Variants in HEPHL1 observed in about 807,000 individuals in gnomAD.
HEPHL1 encodes the protein hephaestin like 1.
In HEPHL1, 123 loss-of-function variants were observed where a neutral mutation model predicts 122.0. The ratio of observed to expected loss-of-function variants is 1.01; its 90% CI spans 0.87 to 1.17. The LOEUF is 1.17. HEPHL1 is among the 50% of genes most tolerant of loss of function. HEPHL1 has a pLI of 0.00. For missense variants in HEPHL1, 1,452 were observed against 1,430.5 expected (o/e 1.01, Z -0.24); for synonymous variants, 527 against 508.9 (o/e 1.04, Z -0.48).
chr11:94,045,382 G>C (rs1945825039), intron 1 of HEPHL1, among the ~76,000 whole-genome samples: 1 of 152,240 alleles, frequency 6.6e-6, no homozygotes, highest in Non-Finnish European at 1.5e-5. Context: ...AAAGCAAAGG[G>C]GAACATGTTG....
rs1362163060 is a variant in HEPHL1, at chr11:94,104,628, T to C, written c.2783T>C (p.Leu928Ser). ...GACGTTGATTATGAATTTGCTCTCT[T>C]GTTTTTGGTATTTAATGAGAATGAA... ...RSDVDYEFAL[L>S]FLVFNENESW... is the part of the protein sequence containing the mutation. Residue 928 changes from leucine (L) to serine (S), a missense_variant, in exon 16 of 20, where the codon TTG becomes TCG. By Grantham distance (145) the Leu-to-Ser change is moderately radical (BLOSUM62 -2). Coordinates refer to ENST00000315765, the MANE Select transcript of HEPHL1 (RefSeq NM_001098672.2). The C allele has an allele frequency of 6.2e-7, 1 of 1,613,722 alleles. No homozygotes were observed. Among genetic ancestry groups the C allele is most frequent in the Non-Finnish European group, 8.5e-7 (1 of 1,179,756 alleles).
chr11:94,097,258 CT>C (rs372425128), intron 13 of HEPHL1, among the ~76,000 whole-genome samples: 740 of 152,192 alleles, frequency 4.9e-3, no homozygotes, highest in Non-Finnish European at 8.0e-3. Context: ...CGATTTCTGC[CT>C]TCATTTTGTT....
chr11:94,067,879 T>G, intron 5 of HEPHL1, 129 bp downstream of exon 5: 2 of 734,268 alleles, frequency 2.7e-6, no homozygotes, highest in Non-Finnish European at 4.4e-6. Flanking sequence ...AGGTAATAAA[T>G]ATACAGGAAA....
At chr11:94,108,663 C>T (rs1284023749) in intron 17 of HEPHL1, among the ~76,000 whole-genome samples, 2 of 151,782 alleles carry the variant, frequency 1.3e-5, no homozygotes, top group South Asian at 2.1e-4. Context: ...ATCTTTTTTT[C>T]CCACAGAATT....
intron 6 of HEPHL1, among the ~76,000 whole-genome samples, chr11:94,071,285 TTCTC>T (rs1357685967): frequency 2.0e-5 from 3 of 152,150 alleles, no homozygotes; most frequent in East Asian, 3.9e-4. Flanking sequence ...GTTTTAAAAA[TTCTC>T]TTTGTGATCA....
chr11:94,101,743 C>T (rs1946369075), intron 14 of HEPHL1, among the ~76,000 whole-genome samples: 1 of 152,194 alleles, frequency 6.6e-6, no homozygotes, highest in African/African-American at 2.4e-5. Flanking sequence ...TAAAAATTCT[C>T]CGTGCTCTGG....
At chr11:94,046,091 CTTTTTTT>C (rs755367459) in intron 2 of HEPHL1, among the ~76,000 whole-genome samples, 174 bp downstream of exon 2, 1,366 of 65,092 alleles carry the variant, frequency 0.021, 61 homozygotes, top group East Asian at 0.044. Context: ...CCCTTTCTTG[CTTTTTTT>C]TTTTTTTTTT....
intron 2 of HEPHL1, among the ~76,000 whole-genome samples, chr11:94,049,585 G>C (rs1276117061): frequency 8.7e-5 from 11 of 126,640 alleles, no homozygotes; most frequent in Non-Finnish European, 1.5e-4. Flanking sequence ...TCTGGGTCCT[G>C]AGAATAAAAG....
intron 1 of HEPHL1, among the ~76,000 whole-genome samples, chr11:94,027,655 G>A (rs1474187186): frequency 6.6e-6 from 1 of 152,190 alleles, no homozygotes; most frequent in Non-Finnish European, 1.5e-5. Context: ...GGTTCAGAGA[G>A]GTTAAGTCTC....
intron 1 of HEPHL1, among the ~76,000 whole-genome samples, chr11:94,036,329 G>T (rs1489465468): frequency 6.6e-6 from 1 of 152,158 alleles, no homozygotes; most frequent in Non-Finnish European, 1.5e-5. Flanking sequence ...TGGGGCTTGG[G>T]ACTAGACAAG....
At chr11:94,065,416 G>C (rs1946025299) in intron 4 of HEPHL1, among the ~76,000 whole-genome samples, 1 of 152,232 alleles carries the variant, frequency 6.6e-6, no homozygotes, top group Non-Finnish European at 1.5e-5. Context: ...ATTAATGCCA[G>C]AGAGTTTCCT....
intron 2 of HEPHL1, among the ~76,000 whole-genome samples, chr11:94,059,781 C>G (rs983327): frequency 0.94 from 142,606 of 151,944 alleles, 67,608 homozygotes; most frequent in East Asian, 1. Context: ...AGGGGATTCT[C>G]TCTCCTCATT....
At chr11:94,092,187 C>A (rs1470607355) in intron 12 of HEPHL1, among the ~76,000 whole-genome samples, 17 of 152,140 alleles carry the variant, frequency 1.1e-4, no homozygotes, top group Admixed American at 1.1e-3. Flanking sequence ...AGGGGTGGGT[C>A]TCACTGTATT....
rs1261524564 is a variant in HEPHL1 at position 94,105,894 on chromosome 11, A to G, written c.2906-97A>G. ...AGATTGTTGCATGTTTACTAGACAG[A>G]TGAAAATATCAGTGACCTAAAGATC... is the stretch of plus-strand genomic sequence containing the variant. On this transcript the variant is annotated intron_variant, in intron 16 of 19. Coordinates refer to ENST00000315765, the MANE Select transcript of HEPHL1 (RefSeq NM_001098672.2). 5.0e-6 allele frequency: 4 copies of G among 800,568 alleles called. No homozygotes were observed. The Admixed American group carries it at 8.7e-5, about 17-fold the overall frequency. 49.6% of individuals were successfully genotyped at this position (800,568 alleles called of 1,614,324 possible).
chr11:94,090,508 G>A (rs1485111405), intron 12 of HEPHL1, among the ~76,000 whole-genome samples: 1 of 152,182 alleles, frequency 6.6e-6, no homozygotes, highest in Non-Finnish European at 1.5e-5. Context: ...GAGATAAAAT[G>A]TGCTGGTGGG....
intron 3 of HEPHL1, 37 bp from the exon 4 acceptor site, chr11:94,064,294 A>C: frequency 6.6e-7 from 1 of 1,514,936 alleles, no homozygotes; most frequent in Non-Finnish European, 9.0e-7. Context: ...ATCTTGATTT[A>C]GTTCTTTCTC....
At chr11:94,111,487 G>A (rs779421673) in intron 18 of HEPHL1, 50 bp from the exon 19 acceptor site, 17 of 1,395,310 alleles carry the variant, frequency 1.2e-5, no homozygotes, top group Non-Finnish European at 1.6e-5. Context: ...GTCATGAAAA[G>A]AATCCCCTTC....
intron 2 of HEPHL1, chr11:94,055,137 C>A (rs1945926229): frequency 5.0e-6 from 1 of 201,432 alleles, no homozygotes; most frequent in Admixed American, 5.6e-5. Flanking sequence ...GTAGCTCAAT[C>A]TGGCCATCAC....
intron 13 of HEPHL1, among the ~76,000 whole-genome samples, chr11:94,095,003 G>A (rs573039359): frequency 2.0e-5 from 3 of 152,156 alleles, no homozygotes; most frequent in East Asian, 3.8e-4. Context: ...AGTTTAATTA[G>A]ATACGATTTG....
Sources: allele counts gnomAD v4.1 joint callset (sites outside exome capture counted in the v4.1 genomes callset), GRCh38; gene constraint gnomAD v4.1.1; transcripts MANE v1.5; gene names NCBI Gene and HGNC (gene_info 2026-07-23, HGNC 2026-07-21).